The following ZFHX4 variants were observed in gnomAD, a reference collection of about 807,000 sequenced individuals.
ZFHX4 encodes zinc finger homeobox protein 4.
In ZFHX4, 56 loss-of-function variants were observed where a neutral mutation model predicts 267.6. The observed-to-expected ratio is 0.21, with a 90% CI of 0.17 to 0.26. The LOEUF (loss-of-function observed/expected upper bound fraction) is 0.26, where lower values mean the gene tolerates loss of function less well. Ranked by LOEUF, ZFHX4 falls within the 10% of genes least tolerant of loss-of-function variation. The pLI is 1.00. For missense variants in ZFHX4, 4,332 were observed against 4,420.0 expected (o/e 0.98, Z 0.56); for synonymous variants, 1,778 against 1,665.6 (o/e 1.07, Z -1.64).
At chr8:76,861,733 A>C (rs907721114) in intron 10 of ZFHX4, among the ~76,000 whole-genome samples, 1 of 151,842 alleles carries the variant, frequency 6.6e-6, no homozygotes, top group Non-Finnish European at 1.5e-5. Flanking sequence ...TTCTTAGCTA[A>C]AGAAAAAGAA....
chr8:76,724,730 A>T (rs1808808156), intron 3 of ZFHX4, among the ~76,000 whole-genome samples: 1 of 152,092 alleles, frequency 6.6e-6, no homozygotes. Context: ...ATGGTTGCAG[A>T]AATCCACTTC....
chr8:76,778,550 GT>G (rs1810465172), intron 4 of ZFHX4, 111 bp downstream of exon 4: 1 of 869,978 alleles, frequency 1.1e-6, no homozygotes, highest in East Asian at 2.5e-5. Flanking sequence ...ACTCGAGCCT[GT>G]CCCCCAGTGT....
At chr8:76,794,793 T>C (rs1166084002) in intron 4 of ZFHX4, among the ~76,000 whole-genome samples, 1 of 152,176 alleles carries the variant, frequency 6.6e-6, no homozygotes, top group African/African-American at 2.4e-5. Context: ...TATGTGATTA[T>C]GTAACTAGCA....
intron 4 of ZFHX4, chr8:76,782,100 A>ATTTTTTTTTTTTTTTTTTTT (rs77420241): frequency 3.8e-5 from 9 of 236,766 alleles, no homozygotes; most frequent in East Asian, 3.0e-4. Context: ...TCAGTTAAGA[A>ATTTTTTTTTTTTTTTTTTTT]TTTTTTTTTT....
At chr8:76,796,803 GAAAA>G (rs1810990238) in intron 4 of ZFHX4, among the ~76,000 whole-genome samples, 1 of 152,108 alleles carries the variant, frequency 6.6e-6, no homozygotes, top group Non-Finnish European at 1.5e-5. Context: ...CATAACCAGG[GAAAA>G]TACAGGCTGT....
At position 76,853,210 on chromosome 8, in the gene ZFHX4, C is replaced by A. The variant is rs1191316590; in HGVS notation, c.6289C>A (p.Leu2097Met). ...CCCTGCGCTTCCTCCCCAGCTTGCC[C>A]TGCAGCTGCCACAGATGGACGCACT... ...QHPALPPQLA[L>M]QLPQMDALSA... is the part of the protein sequence containing the mutation. The change falls in exon 10 of 11, where the codon CTG becomes ATG. Residue 2097 changes from leucine to methionine, a missense_variant. By Grantham distance (15) the Leu-to-Met change is conservative. Transcript: ENST00000651372. The A allele has an allele frequency of 6.4e-7, 1 of 1,563,040 alleles. No homozygotes were observed. Among genetic ancestry groups the A allele is most frequent in the Non-Finnish European group, 8.7e-7 (1 of 1,153,494 alleles).
intron 5 of ZFHX4, among the ~76,000 whole-genome samples, chr8:76,837,394 G>T (rs1812119745): frequency 6.6e-6 from 1 of 151,786 alleles, no homozygotes; most frequent in African/African-American, 2.4e-5. Flanking sequence ...TAGCATGGGA[G>T]TCACTGGTGA....
intron 3 of ZFHX4, among the ~76,000 whole-genome samples, chr8:76,767,855 T>C (rs1393592163): frequency 1.3e-5 from 2 of 152,204 alleles, no homozygotes; most frequent in Non-Finnish European, 2.9e-5. Flanking sequence ...GGGATTTTTA[T>C]GAAGATGGGT....
chr8:76,829,322 G>C (rs1811867646), intron 4 of ZFHX4, among the ~76,000 whole-genome samples: 1 of 151,926 alleles, frequency 6.6e-6, no homozygotes, highest in African/African-American at 2.4e-5. Context: ...ATGGGAACTT[G>C]ATGATTTTTG....
At chr8:76,758,014 T>C (rs1809809121) in intron 3 of ZFHX4, among the ~76,000 whole-genome samples, 1 of 152,176 alleles carries the variant, frequency 6.6e-6, no homozygotes, top group Admixed American at 6.5e-5. Flanking sequence ...AGTTTGTCTA[T>C]AGAACACTGT....
At chr8:76,849,863 C>T (rs1435520884) in intron 8 of ZFHX4, 151 bp downstream of exon 8, 1 of 800,398 alleles carries the variant, frequency 1.2e-6, no homozygotes, top group Non-Finnish European at 2.0e-6. Flanking sequence ...CACTCAAGGC[C>T]CATTTGTGAC....
chr8:76,726,686 T>A (rs1350238613), intron 3 of ZFHX4, among the ~76,000 whole-genome samples: 2 of 152,184 alleles, frequency 1.3e-5, no homozygotes, highest in African/African-American at 2.4e-5. Context: ...TAAAATTATA[T>A]GCACGTTGAA....
rs1382040725 is a variant in ZFHX4 at position 76,852,530 on chromosome 8, A to G, written c.5609A>G (p.Gln1870Arg). 5 of 1,609,446 alleles carry G rather than the reference A, an allele frequency of 3.1e-6. No individual in the cohort carries two copies. Among genetic ancestry groups the G allele is most frequent in the African/African-American group, 1.3e-5 (1 of 75,036 alleles). Residue 1870 changes from glutamine to arginine, a missense_variant, in exon 10 of 11, where the codon CAG becomes CGG. Physicochemically the swap from Gln to Arg is conservative, Grantham distance 43 (BLOSUM62 1). This residue lies in a region of ZFHX4 where 1,371 missense variants were observed against 1,423.1 expected (regional missense o/e 0.96). Transcript: ENST00000651372. ...TCTGAAAAGCCAGAAAAACCAAAGC[A>G]GGAATTTATAAGTGAAGGTGAAGGA... Reference protein sequence around the residue: ...DISEKPEKPKQEFISEGEGLK... With the variant: ...DISEKPEKPKREFISEGEGLK...
At position 76,716,291 on chromosome 8, in the gene ZFHX4, G is replaced by T. The variant is rs146495974; in HGVS notation, c.3093+8243G>T. 2.7e-3 allele frequency among the ~76,000 whole-genome samples: 414 copies of T among 152,040 alleles called. 2 individuals are homozygous for T. Among genetic ancestry groups the T allele is most frequent in the African/African-American group, 9.5e-3 (395 of 41,466 alleles). On this transcript the variant is annotated intron_variant, in intron 3 of 10. Transcript: ENST00000651372. ...AATCTGTCAACAGTGAACCCATATTGACAATTGACTTACTTATTTATTGCC... is the reference window on the plus strand; with the variant it reads ...AATCTGTCAACAGTGAACCCATATTTACAATTGACTTACTTATTTATTGCC...
At position 76,808,528 on chromosome 8, in the gene ZFHX4, A is replaced by C. The variant is rs146272629; in HGVS notation, c.3326-24810A>C. ...TCCCAGCGCAAATGACTGAATCGATAGGAAACCAGCCACTGCTGTTTAAGT... is the reference window on the plus strand; with the variant it reads ...TCCCAGCGCAAATGACTGAATCGATCGGAAACCAGCCACTGCTGTTTAAGT... On this transcript the variant is annotated intron_variant, in intron 4 of 10. Coordinates refer to ENST00000651372, the MANE Select transcript of ZFHX4 (RefSeq NM_024721.5). 4.5e-4 allele frequency among the ~76,000 whole-genome samples: 69 copies of C among 152,308 alleles called. 1 individual carries two copies. The East Asian group carries it at 0.013, about 28-fold the overall frequency.
At chr8:76,766,810 T>G (rs1810062243) in intron 3 of ZFHX4, among the ~76,000 whole-genome samples, 1 of 151,996 alleles carries the variant, frequency 6.6e-6, no homozygotes, top group South Asian at 2.1e-4. Context: ...AATGGTATTG[T>G]TATTACTTTT....
chr8:76,722,363 T>G (rs1457923658), intron 3 of ZFHX4, among the ~76,000 whole-genome samples: 1 of 152,038 alleles, frequency 6.6e-6, no homozygotes, highest in African/African-American at 2.4e-5. Flanking sequence ...AGTATTTATG[T>G]CTATGAACAC....
rs899668739 is a variant in ZFHX4 at position 76,852,201 on chromosome 8, C to T, written c.5280C>T (p.Ala1760=). The part of the protein sequence containing the change: ...LGPDLGLPGS[A]TFGMPGMTGM... ...CAGATTTGGGCTTGCCAGGCTCTGC[C>T]ACATTTGGGATGCCTGGCATGACAG... The change falls in exon 10 of 11, where the codon GCC becomes GCT. Residue 1760 remains alanine (A), a synonymous_variant. Transcript: ENST00000651372. 2 of 1,613,666 alleles carry T rather than the reference C, an allele frequency of 1.2e-6. No homozygotes were observed. The highest frequency in any genetic ancestry group is 1.1e-5 in the South Asian group (1 of 91,074).
At chr8:76,831,362 A>C (rs1811927769) in intron 4 of ZFHX4, among the ~76,000 whole-genome samples, 1 of 152,152 alleles carries the variant, frequency 6.6e-6, no homozygotes, top group South Asian at 2.1e-4. Context: ...TCTTCACTAG[A>C]AAAAAGAGAA....
Sources: allele counts gnomAD v4.1 joint callset (sites outside exome capture counted in the v4.1 genomes callset), GRCh38; gene constraint gnomAD v4.1.1; regional missense constraint gnomAD v4.1.1; transcripts MANE v1.5; gene names NCBI Gene and HGNC (gene_info 2026-07-23, HGNC 2026-07-21).